STAB2: variants seen among roughly 807,000 people sequenced by gnomAD.
STAB2 encodes the protein stabilin 2, also known as stabilin-2.
Under a neutral mutation model 338.1 loss-of-function variants are expected in STAB2, and 288 were observed. The ratio of observed to expected loss-of-function variants is 0.85; its 90% CI spans 0.77 to 0.94. The LOEUF is 0.94. Among genes scored for constraint, STAB2 ranks in the 40% least tolerant of loss-of-function variants. The probability of loss-of-function intolerance (pLI) is 0.00; values close to 1 mark genes in which losing one functional copy is unlikely to be tolerated. For missense variants in STAB2, 3,141 were observed against 3,210.1 expected, an observed-to-expected ratio of 0.98 and a Z score of 0.52; for synonymous variants, 1,202 against 1,193.3, an observed-to-expected ratio of 1.01 and a Z score of -0.15.
intron 23 of STAB2, among the ~76,000 whole-genome samples, chr12:103,674,749 A>G (rs1445410398): frequency 6.6e-6 from 1 of 152,244 alleles, no homozygotes; most frequent in Non-Finnish European, 1.5e-5. Context: ...TGGGAAATGC[A>G]GAGGATGTCT....
intron 52 of STAB2, among the ~76,000 whole-genome samples, chr12:103,737,159 C>T (rs1018438492): frequency 2.0e-5 from 3 of 152,198 alleles, no homozygotes; most frequent in African/African-American, 7.2e-5. Flanking sequence ...CATCCCTAAC[C>T]ACAGCAAGGT....
intron 61 of STAB2, among the ~76,000 whole-genome samples, chr12:103,753,852 T>C (rs1883885719): frequency 6.6e-6 from 1 of 151,742 alleles, no homozygotes; most frequent in Admixed American, 6.6e-5. Context: ...CACAAAACAG[T>C]GGAGTTTCCC....
intron 68 of STAB2, among the ~76,000 whole-genome samples, chr12:103,764,483 T>C (rs2139257111): frequency 6.6e-6 from 1 of 152,342 alleles, no homozygotes; most frequent in African/African-American, 2.4e-5. Flanking sequence ...GGGGGACCCC[T>C]TGGCAGGGTA....
chr12:103,587,618 G>C (rs1956731069), intron 1 of STAB2, 61 bp downstream of exon 1: 19 of 1,419,598 alleles, frequency 1.3e-5, no homozygotes, highest in Non-Finnish European at 1.8e-5. Context: ...TCAAAAGCTT[G>C]TCGTTTTCCT....
Position 103,590,928 on chromosome 12 carries a change from CA to C in STAB2, c.115del (p.Ile39LeufsTer22). 1 of 1,614,006 alleles carries C rather than the reference CA, an allele frequency of 6.2e-7. No homozygotes were observed. The highest frequency in any genetic ancestry group is 8.5e-7 in the Non-Finnish European group (1 of 1,179,984). ...AGATGTGATAGGAAGTCTCTTCTTA[CA>C]ATTAGGACCGAGTGCCGATCCTGCG... Reference protein sequence around the residue: ...ARRCDRKSLLTIRTECRSCAL... With the variant: ...ARRCDRKSLLXIRTECRSCAL... On this transcript the variant is annotated frameshift_variant, in exon 2 of 69. Transcript: ENST00000388887. LOFTEE classifies it high-confidence loss of function.
At chr12:103,663,410 T>TC (rs11388693) in intron 18 of STAB2, among the ~76,000 whole-genome samples, 108,200 of 152,034 alleles carry the variant, frequency 0.71, 39,484 homozygotes, top group East Asian at 1. Context: ...TTCTGGGGGC[T>TC]CCAACAATTC....
intron 50 of STAB2, among the ~76,000 whole-genome samples, chr12:103,732,565 G>A (rs1881716618): frequency 6.6e-6 from 1 of 152,108 alleles, no homozygotes; most frequent in South Asian, 2.1e-4. Context: ...TAGTACTTTG[G>A]GAGGCCAAGG....
At chr12:103,653,081 T>C (rs1242281491) in intron 12 of STAB2, among the ~76,000 whole-genome samples, 11 of 152,210 alleles carry the variant, frequency 7.2e-5, no homozygotes, top group Non-Finnish European at 1.6e-4. Context: ...GTATTTGTTT[T>C]AGATTGCTGG....
chr12:103,703,588 T>G (rs1039488481), intron 35 of STAB2, among the ~76,000 whole-genome samples: 9 of 152,120 alleles, frequency 5.9e-5, no homozygotes, highest in African/African-American at 1.9e-4. Context: ...TTTTGGACCA[T>G]GGCTTTCTTC....
chr12:103,761,255 C>T, intron 65 of STAB2, 45 bp from the exon 66 acceptor site: 1 of 1,573,726 alleles, frequency 6.4e-7, no homozygotes, highest in East Asian at 2.2e-5. Context: ...GGAGGGCTGC[C>T]CACTCGGAGA....
At chr12:103,716,184 C>CT (rs1880299476) in intron 43 of STAB2, among the ~76,000 whole-genome samples, 1 of 152,216 alleles carries the variant, frequency 6.6e-6, no homozygotes, top group Admixed American at 6.5e-5. Context: ...ACTCCACTTT[C>CT]TTTCAGCATT....
At chr12:103,683,032 G>A (rs920710081) in intron 25 of STAB2, among the ~76,000 whole-genome samples, 173 bp from the exon 26 acceptor site, 3 of 152,216 alleles carry the variant, frequency 2.0e-5, no homozygotes, top group African/African-American at 7.2e-5. Context: ...GTAGAATATG[G>A]AGACTAATAA....
intron 43 of STAB2, among the ~76,000 whole-genome samples, chr12:103,716,255 G>A (rs1418486382): frequency 6.6e-6 from 1 of 152,188 alleles, no homozygotes; most frequent in African/African-American, 2.4e-5. Flanking sequence ...ATGTGCCATG[G>A]TGGAAGATAA....
intron 27 of STAB2, among the ~76,000 whole-genome samples, chr12:103,686,468 T>G (rs1448165111): frequency 6.6e-6 from 1 of 152,206 alleles, no homozygotes; most frequent in African/African-American, 2.4e-5. Context: ...AGTCCTCAGC[T>G]TGGCTCTCCA....
chr12:103,714,967 G>C (rs183217018), intron 42 of STAB2, among the ~76,000 whole-genome samples: 91 of 152,306 alleles, frequency 6.0e-4, no homozygotes, highest in Admixed American at 4.0e-3. Flanking sequence ...TTTTCCTCCA[G>C]TGAGGGATCA....
At chr12:103,639,539 C>T (rs1209086329) in intron 8 of STAB2, among the ~76,000 whole-genome samples, 1 of 151,914 alleles carries the variant, frequency 6.6e-6, no homozygotes, top group East Asian at 1.9e-4. Flanking sequence ...CTCGTCTCTA[C>T]TAAAAATACA....
Position 103,752,356 on chromosome 12 carries a change from T to TA in STAB2, c.6581-863dup, listed in dbSNP as rs561807271. The stretch of plus-strand genomic sequence containing the variant: ...CAGATATGGCCAAGATCATTTGACT[T>TA]ACGCACTGTGCTACTGAAATATGTT... On this transcript the variant is annotated intron_variant, in intron 60 of 68. Transcript: ENST00000388887. Among the ~76,000 whole-genome samples, 18 of 152,336 alleles carry TA rather than the reference T, an allele frequency of 1.2e-4. No homozygotes were observed. In the East Asian group the frequency reaches 2.9e-3, roughly 24 times the overall value.
intron 27 of STAB2, among the ~76,000 whole-genome samples, chr12:103,686,101 T>A (rs970599776): frequency 2.6e-5 from 4 of 152,244 alleles, no homozygotes; most frequent in Non-Finnish European, 5.9e-5. Flanking sequence ...TTTGTCAAAA[T>A]GAGAAAGTCA....
chr12:103,689,030 T>C lies in STAB2; in HGVS notation c.3045+815T>C, dbSNP rs537127803. Reference sequence around the variant, plus strand: ...TTTTGGTTTTTTTTTTTCTTTTTCCTGGAGATCCAGTTGTTAAACATGCCA... The same window carrying C: ...TTTTGGTTTTTTTTTTTCTTTTTCCCGGAGATCCAGTTGTTAAACATGCCA... On this transcript the variant is annotated intron_variant, in intron 28 of 68. Coordinates refer to ENST00000388887, the MANE Select transcript of STAB2 (RefSeq NM_017564.10). Among the ~76,000 whole-genome samples the C allele has an allele frequency of 3.9e-5, 6 of 152,078 alleles. No homozygotes were observed. In the South Asian group the frequency reaches 1.0e-3, roughly 26 times the overall value.
Sources: gnomAD v4.1 joint callset for allele counts (sites outside exome capture counted in the v4.1 genomes callset) on GRCh38, gnomAD v4.1.1 for gene constraint, MANE v1.5 for transcripts, NCBI Gene and HGNC (gene_info 2026-07-23, HGNC 2026-07-21) for gene names.